Variants in UBA6 observed in about 807,000 individuals in gnomAD.
The protein encoded by UBA6 is ubiquitin-like modifier-activating enzyme 6.
A neutral mutation model predicts 148.3 loss-of-function variants in UBA6; 87 were observed. The observed-to-expected ratio is 0.59, with a 90% CI of 0.49 to 0.70. UBA6 has a LOEUF of 0.70. UBA6 is among the 30% of genes least tolerant of loss of function. The pLI is 0.00. For synonymous variants in UBA6, 376 were observed against 401.0 expected, an observed-to-expected ratio of 0.94 and a Z score of 0.75; for missense variants, 1,186 against 1,241.2, an observed-to-expected ratio of 0.96 and a Z score of 0.67.
At position 67,696,625 on chromosome 4, in the gene UBA6, A is replaced by C; in HGVS notation, c.134+20T>G. 1 of 1,569,300 alleles carries C rather than the reference A, an allele frequency of 6.4e-7. No homozygotes were observed. Among genetic ancestry groups the C allele is most frequent in the Non-Finnish European group, 8.7e-7 (1 of 1,153,132 alleles). Reference sequence around the variant, plus strand: ...ACAATTAATGGGGAAAATAAGTTTCAGTTTCTATGAGATTCTTACCTATAC... The same window carrying C: ...ACAATTAATGGGGAAAATAAGTTTCCGTTTCTATGAGATTCTTACCTATAC... On this transcript the variant is annotated intron_variant, in intron 2 of 32. Coordinates refer to ENST00000322244, the MANE Select transcript of UBA6 (RefSeq NM_018227.6).
At chr4:67,674,654 G>T (rs1415931435) in intron 6 of UBA6, among the ~76,000 whole-genome samples, 2 of 152,096 alleles carry the variant, frequency 1.3e-5, no homozygotes, top group Non-Finnish European at 2.9e-5. Flanking sequence ...TAACAGGATA[G>T]TTTGCAAATA....
intron 1 of UBA6, 99 bp downstream of exon 1, chr4:67,700,950 C>T: frequency 6.8e-7 from 1 of 1,470,524 alleles, no homozygotes; most frequent in Non-Finnish European, 9.4e-7. Flanking sequence ...GGCCCCGCGG[C>T]CTCTCGGGCG....
intron 2 of UBA6, among the ~76,000 whole-genome samples, chr4:67,683,525 A>C (rs1238898810): frequency 2.3e-4 from 35 of 152,050 alleles, no homozygotes; most frequent in Admixed American, 2.3e-3. Flanking sequence ...AATGCGGCCC[A>C]ATACAAATTC....
Position 67,625,171 on chromosome 4 carries a change from T to C in UBA6, c.2535A>G (p.Ala845=). 1.2e-6 allele frequency: 2 copies of C among 1,609,438 alleles called. No individual in the cohort carries two copies. The highest frequency in any genetic ancestry group is 1.7e-6 in the Non-Finnish European group (2 of 1,178,022). ...NEATKSDLQM[A]VLSFEKDDDH... ...CATCATCTTTTTCAAATGAAAGCAC[T>C]GCCATCTGAAGGTCACCTGATTATA... is the stretch of plus-strand genomic sequence containing the variant. Residue 845 remains alanine (A), a synonymous_variant, in exon 29 of 33, where the codon GCA becomes GCG. Transcript: ENST00000322244.
intron 20 of UBA6, 108 bp downstream of exon 20, chr4:67,635,345 T>C: frequency 4.6e-6 from 3 of 655,788 alleles, no homozygotes; most frequent in Admixed American, 2.7e-5. Context: ...TGAACATCAT[T>C]GGCAGAGCAA....
At chr4:67,659,864 C>G (rs1729806281) in intron 13 of UBA6, among the ~76,000 whole-genome samples, 1 of 152,122 alleles carries the variant, frequency 6.6e-6, no homozygotes, top group Non-Finnish European at 1.5e-5. Flanking sequence ...ACAATGAAGT[C>G]CAGCCTGAGG....
At chr4:67,692,660 C>G (rs952117442) in intron 2 of UBA6, among the ~76,000 whole-genome samples, 2 of 152,038 alleles carry the variant, frequency 1.3e-5, no homozygotes, top group Admixed American at 1.3e-4. Flanking sequence ...ACCTGGCCAC[C>G]CAGAACCCCA....
intron 13 of UBA6, among the ~76,000 whole-genome samples, chr4:67,657,622 A>G (rs117913189): frequency 0.019 from 2,948 of 152,258 alleles, 72 homozygotes; most frequent in East Asian, 0.1. Flanking sequence ...ATGGAGGAAG[A>G]CTTCATGACT....
Position 67,613,884 on chromosome 4 carries a change from A to G in UBA6, c.*5113T>C, listed in dbSNP as rs1305467023. 1 of 152,228 alleles carries G rather than the reference A, an allele frequency of 6.6e-6. No individual in the cohort carries two copies. Among genetic ancestry groups the G allele is most frequent in the Non-Finnish European group, 1.5e-5 (1 of 68,036 alleles). The allele number at this position is 152,228 out of a possible 1,614,324, so 9.4% of individuals were successfully genotyped here. A position where few individuals can be genotyped will look rare whatever the true frequency, so the allele number is the denominator to read the frequency against. ...TTACCCCGAAATATGTTTCTCTGCC[A>G]TATCTTGAAATGGCCCTGCAAAGCC... On this transcript the variant is annotated 3_prime_UTR_variant, in exon 33 of 33. Coordinates refer to ENST00000322244, the MANE Select transcript of UBA6 (RefSeq NM_018227.6).
At position 67,619,089 on chromosome 4, in the gene UBA6, C is replaced by T. The variant is rs1222566005; in HGVS notation, c.3067G>A (p.Asp1023Asn). The T allele has an allele frequency of 6.2e-7, 1 of 1,611,438 alleles. No individual in the cohort carries two copies. Among genetic ancestry groups the T allele is most frequent in the South Asian group, 1.1e-5 (1 of 90,972 alleles). Reference sequence around the variant, plus strand: ...TCTGGAGCAAATGACACAGTAAGATCCACATATTTCTTTTCAGTAGTAGGT... The same window carrying T: ...TCTGGAGCAAATGACACAGTAAGATTCACATATTTCTTTTCAGTAGTAGGT... ...VKPTTEKKYV[D>N]LTVSFAPDID... The change falls in exon 33 of 33, where the codon GAT (aspartate) becomes AAT (asparagine). Residue 1023 changes from aspartate to asparagine, a missense_variant. Coordinates refer to ENST00000322244, the MANE Select transcript of UBA6 (RefSeq NM_018227.6).
At chr4:67,639,145 G>A in intron 18 of UBA6, 21 bp from the exon 19 acceptor site, 1 of 1,581,300 alleles carries the variant, frequency 6.3e-7, no homozygotes, top group Non-Finnish European at 8.6e-7. Flanking sequence ...AATATAAGCA[G>A]AAGGAATATG....
At chr4:67,619,212 A>G in intron 32 of UBA6, 80 bp from the exon 33 acceptor site, 1 of 1,059,534 alleles carries the variant, frequency 9.4e-7, no homozygotes, top group Non-Finnish European at 1.4e-6. Context: ...TGCCATCCAG[A>G]GAACCTGGAC....
chr4:67,654,604 G>A (rs1220324571), intron 13 of UBA6, among the ~76,000 whole-genome samples: 1 of 152,134 alleles, frequency 6.6e-6, no homozygotes, highest in African/African-American at 2.4e-5. Flanking sequence ...AAAGACCATT[G>A]ATGCTATGAA....
At chr4:67,632,122 T>C (rs1729013378) in intron 23 of UBA6, among the ~76,000 whole-genome samples, 1 of 152,162 alleles carries the variant, frequency 6.6e-6, no homozygotes, top group Non-Finnish European at 1.5e-5. Context: ...AATTCAAATA[T>C]CATTTTCTAT....
At position 67,682,104 on chromosome 4, in the gene UBA6, A is replaced by G; in HGVS notation, c.229+15T>C. On this transcript the variant is annotated intron_variant, in intron 3 of 32. Transcript: ENST00000322244. ...CTCAAAAGTGTCAAAAATTAGGAATATAAATATTGCTTACCAATTTCCAAA... is the reference window on the plus strand; with the variant it reads ...CTCAAAAGTGTCAAAAATTAGGAATGTAAATATTGCTTACCAATTTCCAAA... The G allele has an allele frequency of 6.3e-7, 1 of 1,595,512 alleles. No homozygotes were observed. The highest frequency in any genetic ancestry group is 8.6e-7 in the Non-Finnish European group (1 of 1,163,394).
intron 19 of UBA6, among the ~76,000 whole-genome samples, chr4:67,637,469 C>G (rs890695929): frequency 4.9e-4 from 74 of 152,202 alleles, no homozygotes; most frequent in Non-Finnish European, 9.4e-4. Flanking sequence ...GCCATGATGA[C>G]GATGGCGGTT....
At position 67,681,601 on chromosome 4, in the gene UBA6, CA is replaced by C; in HGVS notation, c.230-11del. ...AGAACAAGATTCTTTGCTAGAAAGG[CA>C]AAAGAAAAAGGAATAGCTCAATATT... On this transcript the variant is annotated splice_polypyrimidine_tract_variant and intron_variant, in intron 3 of 32. Coordinates refer to ENST00000322244, the MANE Select transcript of UBA6 (RefSeq NM_018227.6). 6.4e-7 allele frequency: 1 copy of C among 1,574,738 alleles called. No homozygotes were observed. The highest frequency in any genetic ancestry group is 8.6e-7 in the Non-Finnish European group (1 of 1,164,762).
chr4:67,665,090 C>A, intron 10 of UBA6, 99 bp downstream of exon 10: 1 of 626,474 alleles, frequency 1.6e-6, no homozygotes, highest in South Asian at 2.9e-5. Context: ...AAATTCTGTT[C>A]CACATTTAAT....
At chr4:67,676,502 T>C (rs764340334) in intron 6 of UBA6, among the ~76,000 whole-genome samples, 8 of 152,198 alleles carry the variant, frequency 5.3e-5, no homozygotes, top group Admixed American at 2.0e-4. Context: ...TTGGTAAAGA[T>C]TGTTCTTGTC....
Sources: allele counts gnomAD v4.1 joint callset (sites outside exome capture counted in the v4.1 genomes callset), GRCh38; gene constraint gnomAD v4.1.1; transcripts MANE v1.5; gene names NCBI Gene and HGNC (gene_info 2026-07-23, HGNC 2026-07-21).